The following FRMD4A variants were observed in gnomAD, a reference collection of about 807,000 sequenced individuals.
FRMD4A encodes the protein FERM domain containing 4A, also known as FERM domain-containing protein 4A.
FRMD4A carries 29 observed loss-of-function variants against 129.1 expected under a neutral mutation model. The ratio of observed to expected loss-of-function variants is 0.22; its 90% CI spans 0.17 to 0.31. The LOEUF (loss-of-function observed/expected upper bound fraction) is 0.31, where lower values mean the gene tolerates loss of function less well. Ranked by LOEUF, FRMD4A falls within the 10% of genes least tolerant of loss-of-function variation. The pLI is 1.00. For missense variants in FRMD4A, 1,272 were observed against 1,375.8 expected (o/e 0.92, Z 1.19); for synonymous variants, 634 against 571.6 (o/e 1.11, Z -1.56).
intron 13 of FRMD4A, among the ~76,000 whole-genome samples, chr10:13,702,316 G>A (rs1308629272): frequency 3.3e-5 from 5 of 152,170 alleles, no homozygotes; most frequent in South Asian, 2.1e-4. Flanking sequence ...CACCTGCCTC[G>A]GCCTCCCAAA....
At chr10:14,308,899 A>G (rs532456468) in intron 2 of FRMD4A, among the ~76,000 whole-genome samples, 5 of 152,312 alleles carry the variant, frequency 3.3e-5, no homozygotes, top group Middle Eastern at 3.4e-3. Context: ...ATCCTACAAG[A>G]TGCTGCTAAT....
At chr10:13,730,859 C>CAAAAAAAAAAAAAAAAA (rs10639026) in intron 12 of FRMD4A, among the ~76,000 whole-genome samples, 3 of 90,824 alleles carry the variant, frequency 3.3e-5, no homozygotes, top group African/African-American at 4.1e-5. Flanking sequence ...ACTAAAAATA[C>CAAAAAAAAAAAAAAAAA]AAAAAAAAAA....
At chr10:13,830,271 A>G (rs1268534948) in intron 3 of FRMD4A, among the ~76,000 whole-genome samples, 1 of 152,072 alleles carries the variant, frequency 6.6e-6, no homozygotes, top group Admixed American at 6.5e-5. Flanking sequence ...AAGGGTCACT[A>G]CCATCCAGGT....
intron 13 of FRMD4A, among the ~76,000 whole-genome samples, chr10:13,702,085 T>C (rs2086887825): frequency 6.6e-6 from 1 of 152,152 alleles, no homozygotes; most frequent in South Asian, 2.1e-4. Context: ...TTCATTTATA[T>C]TTTTCAGATG....
intron 2 of FRMD4A, among the ~76,000 whole-genome samples, chr10:14,082,785 T>C (rs1211200428): frequency 6.6e-6 from 1 of 152,154 alleles, no homozygotes. Flanking sequence ...TAGGTTGCCA[T>C]TAACAGGGAT....
rs925043381 is a variant in FRMD4A at position 14,063,383 on chromosome 10, C to T, written c.46-204471G>A. On this transcript the variant is annotated intron_variant, in intron 2 of 24. Coordinates refer to ENST00000357447, the MANE Select transcript of FRMD4A (RefSeq NM_018027.5). ...CTCATCGAAATGAGCCAGACATTTG[C>T]TGTGCCATTTACATTTATTATGTTA... Among the ~76,000 whole-genome samples, 4 of 152,102 alleles carry T rather than the reference C, an allele frequency of 2.6e-5. No individual in the cohort carries two copies. The East Asian group carries it at 7.7e-4, about 29-fold the overall frequency.
At chr10:13,850,941 G>A (rs1394285944) in intron 3 of FRMD4A, among the ~76,000 whole-genome samples, 1 of 152,260 alleles carries the variant, frequency 6.6e-6, no homozygotes, top group Non-Finnish European at 1.5e-5. Context: ...TAGGCCAGGT[G>A]TAGTGGCTCA....
rs149047487 is a variant in FRMD4A at position 14,125,979 on chromosome 10, G to A, written c.45+204079C>T. 1.4e-3 allele frequency among the ~76,000 whole-genome samples: 214 copies of A among 152,270 alleles called. 2 individuals are homozygous for A. The highest frequency in any genetic ancestry group is 6.8e-3 in the Middle Eastern group (2 of 294). On this transcript the variant is annotated intron_variant, in intron 2 of 24. Coordinates refer to ENST00000357447, the MANE Select transcript of FRMD4A (RefSeq NM_018027.5). ...CTAACTCCACTTTATTTACTAAACCGATGATAAAACAGTGTATGAAAGACT... is the reference window on the plus strand; with the variant it reads ...CTAACTCCACTTTATTTACTAAACCAATGATAAAACAGTGTATGAAAGACT...
At chr10:13,647,554 G>T (rs960722047) in intron 24 of FRMD4A, 1 of 152,142 alleles carries the variant, frequency 6.6e-6, no homozygotes. Context: ...TGTCCTGGAA[G>T]AACATTCAAA....
intron 24 of FRMD4A, chr10:13,651,230 T>C (rs2081551026): frequency 6.6e-6 from 1 of 152,272 alleles, no homozygotes; most frequent in East Asian, 1.9e-4. Context: ...TGTTGGCTTA[T>C]GGACATTTGG....
intron 2 of FRMD4A, among the ~76,000 whole-genome samples, chr10:14,308,235 G>C (rs1488502736): frequency 6.6e-6 from 1 of 152,146 alleles, no homozygotes; most frequent in Non-Finnish European, 1.5e-5. Context: ...GTAAACTCGT[G>C]GCTCCTCATC....
intron 3 of FRMD4A, among the ~76,000 whole-genome samples, chr10:13,823,470 C>A (rs187062088): frequency 2.0e-5 from 3 of 152,306 alleles, no homozygotes; most frequent in East Asian, 3.9e-4. Context: ...GATAGGACTG[C>A]CAAGTCTGCA....
At chr10:14,201,045 C>T (rs771833564) in intron 2 of FRMD4A, among the ~76,000 whole-genome samples, 1 of 152,200 alleles carries the variant, frequency 6.6e-6, no homozygotes, top group Non-Finnish European at 1.5e-5. Flanking sequence ...CTTCCTTGGA[C>T]ACCAGCCCTA....
chr10:13,898,034 G>A (rs1412993841), intron 2 of FRMD4A, among the ~76,000 whole-genome samples: 5 of 151,782 alleles, frequency 3.3e-5, no homozygotes, highest in South Asian at 4.2e-4. Flanking sequence ...CAAAATGAAC[G>A]GCCAGTCCTT....
chr10:14,226,885 A>G (rs937724078), intron 2 of FRMD4A, among the ~76,000 whole-genome samples: 13 of 150,250 alleles, frequency 8.7e-5, no homozygotes, highest in Non-Finnish European at 1.8e-4. Flanking sequence ...CAAGACCCCA[A>G]TCGACTCTTC....
intron 2 of FRMD4A, among the ~76,000 whole-genome samples, chr10:13,867,947 A>G (rs1231516782): frequency 6.9e-6 from 1 of 144,472 alleles, no homozygotes; most frequent in African/African-American, 2.5e-5. Flanking sequence ...TATAATAAAT[A>G]CTATATATGT....
intron 2 of FRMD4A, among the ~76,000 whole-genome samples, chr10:14,000,668 A>AG (rs1555009701): frequency 1.3e-5 from 1 of 74,520 alleles, no homozygotes; most frequent in African/African-American, 3.1e-5. Flanking sequence ...AAAAAAAAAA[A>AG]GAGAAGAAAG....
chr10:13,825,993 G>T (rs764890383), intron 3 of FRMD4A, among the ~76,000 whole-genome samples: 65 of 152,290 alleles, frequency 4.3e-4, no homozygotes, highest in Non-Finnish European at 8.8e-4. Flanking sequence ...TGGTGAATTT[G>T]TAATCGGCCT....
chr10:14,301,285 C>T (rs972975994), intron 2 of FRMD4A, among the ~76,000 whole-genome samples: 3 of 152,176 alleles, frequency 2.0e-5, no homozygotes, highest in Non-Finnish European at 4.4e-5. Context: ...TAACCATGGG[C>T]ATAATAGACA....
Sources: gnomAD v4.1 joint callset for allele counts (sites outside exome capture counted in the v4.1 genomes callset) on GRCh38, gnomAD v4.1.1 for gene constraint, MANE v1.5 for transcripts, NCBI Gene and HGNC (gene_info 2026-07-23, HGNC 2026-07-21) for gene names.